The following SCN2A variants were observed in gnomAD, a reference collection of about 807,000 sequenced individuals.
SCN2A encodes the protein sodium voltage-gated channel alpha subunit 2.
SCN2A carries 20 observed loss-of-function variants against 188.7 expected under a neutral mutation model. That is an observed-to-expected ratio of 0.11 (90% CI 0.07 to 0.15). The LOEUF is 0.15. Among genes scored for constraint, SCN2A ranks in the 10% least tolerant of loss-of-function variants. The pLI, the probability that SCN2A is intolerant of heterozygous loss-of-function variation, is 1.00. For missense variants in SCN2A, 1,278 were observed against 2,445.0 expected, an observed-to-expected ratio of 0.52 and a Z score of 10.07; for synonymous variants, 804 against 833.1, an observed-to-expected ratio of 0.97 and a Z score of 0.60.
intron 17 of SCN2A, among the ~76,000 whole-genome samples, chr2:165,364,829 G>T (rs371981839): frequency 1.3e-5 from 2 of 152,196 alleles, no homozygotes; most frequent in East Asian, 1.9e-4. Flanking sequence ...AAGCAAGATC[G>T]CAGATGATTA....
rs377492294 is a variant in SCN2A, at chr2:165,300,792, C to G, written c.386+3657C>G. 2.0e-4 allele frequency among the ~76,000 whole-genome samples: 30 copies of G among 152,228 alleles called. No homozygotes were observed. The East Asian group carries it at 4.8e-3, about 25-fold the overall frequency. ...GGTCATTGTGAGGACACCACATTTA[C>G]TCTGAATGAGACTCCAGGAGGGTTT... is the stretch of plus-strand genomic sequence containing the variant. On this transcript the variant is annotated intron_variant, in intron 3 of 26. Transcript: ENST00000375437.
At chr2:165,291,575 T>TCCTTCCTTCCTTTCTC (rs1460696524) in intron 1 of SCN2A, among the ~76,000 whole-genome samples, 6 of 70,580 alleles carry the variant, frequency 8.5e-5, no homozygotes, top group African/African-American at 2.3e-4. Flanking sequence ...CTTCCTTCCT[T>TCCTTCCTTCCTTTCTC]TCTCTCTCTC....
intron 14 of SCN2A, among the ~76,000 whole-genome samples, chr2:165,339,219 ACT>A (rs942620725): frequency 1.4e-5 from 2 of 139,506 alleles, no homozygotes; most frequent in African/African-American, 5.5e-5. Flanking sequence ...CAAGAGTGAA[ACT>A]CTGTCTCAAA....
chr2:165,255,273 C>G lies in SCN2A; in HGVS notation c.-52+15633C>G, dbSNP rs141108456. On this transcript the variant is annotated intron_variant, in intron 1 of 26. Transcript: ENST00000375437. The stretch of plus-strand genomic sequence containing the variant: ...CTATTTTTTCTAGCTTTTTGGAATG[C>G]ATGTATTGCCTTATTTCATTCCATT... 2.8e-3 allele frequency among the ~76,000 whole-genome samples: 426 copies of G among 151,746 alleles called. 2 individuals carry two copies. Among genetic ancestry groups the G allele is most frequent in the African/African-American group, 9.9e-3 (410 of 41,446 alleles).
chr2:165,352,896 C>G (rs1004793120), intron 16 of SCN2A, among the ~76,000 whole-genome samples: 1 of 152,072 alleles, frequency 6.6e-6, no homozygotes. Flanking sequence ...TTACTTTGTG[C>G]ATTTGCCCCC....
chr2:165,382,003 C>G (rs1701628484), intron 25 of SCN2A, among the ~76,000 whole-genome samples: 1 of 151,956 alleles, frequency 6.6e-6, no homozygotes, highest in Admixed American at 6.6e-5. Context: ...AGTTGGTAAG[C>G]CGGCCAATAA....
chr2:165,262,914 T>C (rs1471856139), intron 1 of SCN2A, among the ~76,000 whole-genome samples: 2 of 152,112 alleles, frequency 1.3e-5, no homozygotes, highest in African/African-American at 2.4e-5. Flanking sequence ...CAATATCTAT[T>C]ATTTTTTGAT....
At chr2:165,381,003 T>C in intron 24 of SCN2A, 90 bp from the exon 25 acceptor site, 1 of 871,890 alleles carries the variant, frequency 1.1e-6, no homozygotes, top group South Asian at 1.5e-5. Flanking sequence ...TAGAATGAAA[T>C]GTGGGAGCCA....
chr2:165,262,344 A>G (rs980726926), intron 1 of SCN2A, among the ~76,000 whole-genome samples: 11 of 152,168 alleles, frequency 7.2e-5, no homozygotes, highest in African/African-American at 2.4e-4. Flanking sequence ...ACTGTACCCA[A>G]TGTGTAGTCT....
intron 17 of SCN2A, among the ~76,000 whole-genome samples, chr2:165,356,977 A>G (rs1297100932): frequency 6.6e-6 from 1 of 152,198 alleles, no homozygotes; most frequent in Non-Finnish European, 1.5e-5. Flanking sequence ...GTGGAAGCAG[A>G]CAGGATTATT....
chr2:165,320,441 A>AGTAG (rs1431771884), intron 11 of SCN2A: 3 of 152,302 alleles, frequency 2.0e-5, no homozygotes, highest in African/African-American at 7.2e-5. Flanking sequence ...CAGCTCCAGC[A>AGTAG]GGCAGTGCCC....
At chr2:165,251,577 G>A (rs962513735) in intron 1 of SCN2A, among the ~76,000 whole-genome samples, 1 of 151,868 alleles carries the variant, frequency 6.6e-6, no homozygotes, top group Admixed American at 6.6e-5. Context: ...ATCCTTCCCT[G>A]CCAGATTACT....
intron 23 of SCN2A, among the ~76,000 whole-genome samples, chr2:165,380,220 T>A (rs1266908758): frequency 2.0e-5 from 3 of 151,780 alleles, no homozygotes; most frequent in Non-Finnish European, 3.0e-5. Context: ...AGAAAGTAAA[T>A]CTTAAAAGTT....
intron 25 of SCN2A, among the ~76,000 whole-genome samples, chr2:165,383,935 T>A (rs1032340949): frequency 2.6e-5 from 4 of 152,068 alleles, no homozygotes; most frequent in African/African-American, 9.7e-5. Flanking sequence ...AGAGAAATGA[T>A]GAATATTTAG....
rs1699364670 is a variant in SCN2A at position 165,342,406 on chromosome 2, T to C, written c.2499T>C (p.Leu833=). The change falls in exon 15 of 27, where the codon CTT becomes CTC. Residue 833 remains leucine, a synonymous_variant. Coordinates refer to ENST00000375437, the MANE Select transcript of SCN2A (RefSeq NM_001040142.2). ...WNIFDGFIVS[L]SLMELGLANV... is the part of the protein sequence containing the mutation. ...TTTTTGATGGTTTTATTGTGAGCCT[T>C]AGTTTAATGGAACTTGGTTTGGCAA... 4 of 1,613,976 alleles carry C rather than the reference T, an allele frequency of 2.5e-6. No homozygotes were observed. Among genetic ancestry groups the C allele is most frequent in the Non-Finnish European group, 3.4e-6 (4 of 1,179,980 alleles).
intron 23 of SCN2A, among the ~76,000 whole-genome samples, chr2:165,378,448 G>A (rs1460987583): frequency 6.6e-6 from 1 of 151,480 alleles, no homozygotes; most frequent in Non-Finnish European, 1.5e-5. Context: ...TTTCTGAATA[G>A]TAATAATAAT....
rs66861006 is a variant in SCN2A at position 165,327,155 on chromosome 2, ATT to A, written c.2149+182_2149+183del. On this transcript the variant is annotated intron_variant, in intron 13 of 26. Coordinates refer to ENST00000375437, the MANE Select transcript of SCN2A (RefSeq NM_001040142.2). ...TCATGGATTCTATTATCTTCCACAG[ATT>A]TTTTTTTTTTATATTTAGCCTCCAG... is the stretch of plus-strand genomic sequence containing the variant. The A allele has an allele frequency of 0.25, 160,978 of 641,134 alleles. 18,446 individuals carry two copies. The highest frequency in any genetic ancestry group is 0.34 in the Admixed American group (11,020 of 32,640). The allele number at this position is 641,134 out of a possible 1,614,324, so 39.7% of individuals were successfully genotyped here.
chr2:165,340,185 G>A (rs1411845438), intron 14 of SCN2A, among the ~76,000 whole-genome samples: 1 of 152,122 alleles, frequency 6.6e-6, no homozygotes, highest in African/African-American at 2.4e-5. Flanking sequence ...TAAAACATCT[G>A]AAATAAAACA....
intron 25 of SCN2A, among the ~76,000 whole-genome samples, chr2:165,384,014 GAGGAA>G (rs1287658187): frequency 6.6e-6 from 1 of 152,110 alleles, no homozygotes; most frequent in Non-Finnish European, 1.5e-5. Flanking sequence ...GAATTTTAGA[GAGGAA>G]AAGATCGAAG....
Sources: gnomAD v4.1 joint callset for allele counts (sites outside exome capture counted in the v4.1 genomes callset) on GRCh38, gnomAD v4.1.1 for gene constraint, MANE v1.5 for transcripts, NCBI Gene and HGNC (gene_info 2026-07-23, HGNC 2026-07-21) for gene names.